The following CNTNAP2 variants were observed in gnomAD, a reference collection of about 807,000 sequenced individuals.
CNTNAP2 encodes the protein contactin-associated protein-like 2.
Under a neutral mutation model 155.2 loss-of-function variants are expected in CNTNAP2, and 98 were observed. The observed-to-expected ratio is 0.63, with a 90% confidence interval of 0.54 to 0.75. The LOEUF (loss-of-function observed/expected upper bound fraction) is 0.75, where lower values mean the gene tolerates loss of function less well. Ranked by LOEUF, CNTNAP2 falls within the 30% of genes least tolerant of loss-of-function variation. CNTNAP2 has a pLI of 0.00. For synonymous variants in CNTNAP2, 651 were observed against 631.2 expected (o/e 1.03, Z -0.47); for missense variants, 1,727 against 1,688.1 (o/e 1.02, Z -0.40).
rs1801559396 is a variant in CNTNAP2, at chr7:146,733,413, TGCAAAAA to T, written c.98-40857_98-40851del. Among the ~76,000 whole-genome samples the T allele has an allele frequency of 2.0e-5, 3 of 148,984 alleles. No homozygotes were observed. The South Asian group carries it at 6.9e-4, about 34-fold the overall frequency. On this transcript the variant is annotated intron_variant, in intron 1 of 23. Coordinates refer to ENST00000361727, the MANE Select transcript of CNTNAP2 (RefSeq NM_014141.6). The stretch of plus-strand genomic sequence containing the variant: ...TTATTTATAGTGTTTTATAATTAAC[TGCAAAAA>T]ACAAAAAACAAGAAATAAAATATAT...
intron 8 of CNTNAP2, among the ~76,000 whole-genome samples, chr7:147,298,763 C>T (rs531522136): frequency 6.6e-6 from 1 of 152,316 alleles, no homozygotes; most frequent in South Asian, 2.1e-4. Context: ...ATTCCAATAA[C>T]ATTTATATGG....
intron 11 of CNTNAP2, among the ~76,000 whole-genome samples, chr7:147,503,768 T>A (rs1171668846): frequency 6.6e-6 from 1 of 152,174 alleles, no homozygotes; most frequent in East Asian, 1.9e-4. Context: ...TTTTTCCAAG[T>A]GTTTTACCCA....
At chr7:146,277,778 T>C (rs1800187102) in intron 1 of CNTNAP2, among the ~76,000 whole-genome samples, 1 of 152,136 alleles carries the variant, frequency 6.6e-6, no homozygotes, top group Non-Finnish European at 1.5e-5. Context: ...ACTAATGGAC[T>C]CCAAACAGGA....
chr7:147,722,649 T>C (rs555714032), intron 13 of CNTNAP2, among the ~76,000 whole-genome samples: 42 of 152,270 alleles, frequency 2.8e-4, no homozygotes, highest in African/African-American at 9.4e-4. Flanking sequence ...ATTCCAACTC[T>C]GCCTTTTAGT....
intron 2 of CNTNAP2, among the ~76,000 whole-genome samples, chr7:146,822,604 G>C (rs1803309667): frequency 6.7e-6 from 1 of 150,088 alleles, no homozygotes; most frequent in Non-Finnish European, 1.5e-5. Context: ...TTGTGAATTA[G>C]ATGGTTAACG....
chr7:147,327,599 G>C (rs1584876108), intron 9 of CNTNAP2, among the ~76,000 whole-genome samples: 1 of 152,248 alleles, frequency 6.6e-6, no homozygotes, highest in Non-Finnish European at 1.5e-5. Context: ...TGGGAAAGCT[G>C]TTCTGCATTC....
At chr7:146,446,146 A>T (rs1275136741) in intron 1 of CNTNAP2, among the ~76,000 whole-genome samples, 1 of 152,198 alleles carries the variant, frequency 6.6e-6, no homozygotes, top group African/African-American at 2.4e-5. Flanking sequence ...ATTTAACTTG[A>T]AATCAAGAGG....
intron 3 of CNTNAP2, among the ~76,000 whole-genome samples, chr7:146,913,435 G>T (rs1192752597): frequency 1.3e-5 from 2 of 152,146 alleles, no homozygotes; most frequent in African/African-American, 4.8e-5. Flanking sequence ...ATTTCAGGCT[G>T]CTATAACAAA....
chr7:148,101,383 GT>G (rs1338693284), intron 15 of CNTNAP2, among the ~76,000 whole-genome samples: 1 of 142,180 alleles, frequency 7.0e-6, no homozygotes, highest in Admixed American at 7.3e-5. Flanking sequence ...GTGTGTGTGT[GT>G]GTGTGTGTGG....
At chr7:147,548,810 A>G (rs1799793014) in intron 11 of CNTNAP2, among the ~76,000 whole-genome samples, 1 of 152,182 alleles carries the variant, frequency 6.6e-6, no homozygotes, top group Non-Finnish European at 1.5e-5. Context: ...GTCCAGTTTC[A>G]GTTTTCTGCA....
At chr7:146,410,839 T>TCC (rs1225559721) in intron 1 of CNTNAP2, among the ~76,000 whole-genome samples, 3 of 152,194 alleles carry the variant, frequency 2.0e-5, no homozygotes, top group East Asian at 3.9e-4. Context: ...TTTTTCCGAT[T>TCC]CCATAGATAA....
chr7:147,424,016 T>C (rs951931008), intron 10 of CNTNAP2, among the ~76,000 whole-genome samples: 2 of 152,116 alleles, frequency 1.3e-5, no homozygotes, highest in African/African-American at 4.8e-5. Flanking sequence ...GGGGGAAGAA[T>C]GGAAGAATGT....
intron 12 of CNTNAP2, among the ~76,000 whole-genome samples, chr7:147,597,568 A>G (rs1584842340): frequency 6.6e-6 from 1 of 152,214 alleles, no homozygotes; most frequent in East Asian, 1.9e-4. Flanking sequence ...ACCACTAACA[A>G]GCCCCATTAC....
intron 1 of CNTNAP2, among the ~76,000 whole-genome samples, chr7:146,605,017 A>G (rs1403111636): frequency 1.4e-5 from 2 of 146,060 alleles, no homozygotes; most frequent in Non-Finnish European, 3.0e-5. Flanking sequence ...TGGCACATGT[A>G]TACATATGTA....
chr7:146,896,396 C>T (rs1260967450), intron 3 of CNTNAP2, among the ~76,000 whole-genome samples: 1 of 152,042 alleles, frequency 6.6e-6, no homozygotes, highest in African/African-American at 2.4e-5. Flanking sequence ...CCCTAATTCC[C>T]CAACCACGTG....
intron 20 of CNTNAP2, among the ~76,000 whole-genome samples, chr7:148,237,418 G>C (rs1171331784): frequency 6.6e-6 from 1 of 152,182 alleles, no homozygotes; most frequent in Non-Finnish European, 1.5e-5. Flanking sequence ...GTGAATGGGG[G>C]GCAAGAGAGG....
intron 15 of CNTNAP2, among the ~76,000 whole-genome samples, chr7:148,017,140 G>A (rs1585079515): frequency 6.6e-6 from 1 of 152,194 alleles, no homozygotes; most frequent in African/African-American, 2.4e-5. Flanking sequence ...CTCAGCACCT[G>A]AGCTTCTCAT....
intron 11 of CNTNAP2, among the ~76,000 whole-genome samples, chr7:147,560,785 A>G (rs182429486): frequency 6.0e-5 from 9 of 150,006 alleles, no homozygotes; most frequent in African/African-American, 2.2e-4. Flanking sequence ...GGGTAGATCA[A>G]AGAATTTTAG....
chr7:147,453,387 G>A (rs1194717279), intron 10 of CNTNAP2, among the ~76,000 whole-genome samples: 1 of 152,106 alleles, frequency 6.6e-6, no homozygotes, highest in Non-Finnish European at 1.5e-5. Flanking sequence ...TCTCATTATT[G>A]TGTACCTGTT....
Sources: gnomAD v4.1 joint callset for allele counts (sites outside exome capture counted in the v4.1 genomes callset) on GRCh38, gnomAD v4.1.1 for gene constraint, MANE v1.5 for transcripts, NCBI Gene and HGNC (gene_info 2026-07-23, HGNC 2026-07-21) for gene names.